The following DCTN1 variants were observed in gnomAD, a reference collection of about 807,000 sequenced individuals.
DCTN1 encodes dynactin subunit 1.
DCTN1 carries 61 observed loss-of-function variants against 161.2 expected under a neutral mutation model. The observed-to-expected ratio is 0.38, with a 90% CI of 0.31 to 0.47. DCTN1 has a LOEUF of 0.47. Ranked by LOEUF, DCTN1 falls within the 20% of genes least tolerant of loss-of-function variation. The pLI is 0.99. For missense variants in DCTN1, 1,404 were observed against 1,623.7 expected (o/e 0.86, Z 2.33); for synonymous variants, 653 against 632.4 (o/e 1.03, Z -0.49).
chr2:74,367,234 T>C, intron 19 of DCTN1, 118 bp downstream of exon 19: 2 of 1,527,960 alleles, frequency 1.3e-6, no homozygotes, highest in South Asian at 1.1e-5. Context: ...TTCCCTGATA[T>C]GGCTTTGGTA....
At position 74,366,537 on chromosome 2, in the gene DCTN1, C is replaced by G. The variant is rs2104415238; in HGVS notation, c.2550G>C (p.Gln850His). 6.2e-7 allele frequency: 1 copy of G among 1,614,118 alleles called. No individual in the cohort carries two copies. The highest frequency in any genetic ancestry group is 8.5e-7 in the Non-Finnish European group (1 of 1,179,996). Residue 850 changes from glutamine (Q) to histidine (H), a missense_variant, in exon 22 of 32, where the codon CAG becomes CAC. By Grantham distance (24) the Gln-to-His change is conservative. Coordinates refer to ENST00000628224, the MANE Select transcript of DCTN1 (RefSeq NM_004082.5). ...VLQEVAAAAAQLIAPLAENEG... is the reference protein window; with the variant it reads ...VLQEVAAAAAHLIAPLAENEG... ...CATTCTCTGCCAGTGGGGCAATGAG[C>G]TGGGCAGCAGCAGCTGCCACCTCCT...
chr2:74,390,297 C>A (rs1036344919), intron 1 of DCTN1, among the ~76,000 whole-genome samples: 1 of 152,200 alleles, frequency 6.6e-6, no homozygotes, highest in African/African-American at 2.4e-5. Flanking sequence ...ACACTTCTTT[C>A]CTGTTTGATT....
intron 6 of DCTN1, chr2:74,374,102 C>A: frequency 1.6e-6 from 1 of 611,346 alleles, no homozygotes; most frequent in South Asian, 1.6e-5. Context: ...GTGTTAAGGC[C>A]TGGAACACAG....
At position 74,374,206 on chromosome 2, in the gene DCTN1, C is replaced by A. The variant is rs761533682; in HGVS notation, c.432+117G>T. 7.0e-6 allele frequency: 8 copies of A among 1,150,260 alleles called. No individual in the cohort carries two copies. In the South Asian group the frequency reaches 1.0e-4, roughly 15 times the overall value. 71.3% of individuals were successfully genotyped at this position (1,150,260 alleles called of 1,614,324 possible). A position where few individuals can be genotyped will look rare whatever the true frequency, so the allele number is the denominator to read the frequency against. On this transcript the variant is annotated intron_variant, in intron 6 of 31. Coordinates refer to ENST00000628224, the MANE Select transcript of DCTN1 (RefSeq NM_004082.5). Reference sequence around the variant, plus strand: ...TCTCCCTAACCCACCTTCGTCCTCACCCGCCTCCCCGACCAGGTAGACAGA... The same window carrying A: ...TCTCCCTAACCCACCTTCGTCCTCAACCGCCTCCCCGACCAGGTAGACAGA...
chr2:74,389,532 A>G (rs6740481), intron 1 of DCTN1, among the ~76,000 whole-genome samples: 18,886 of 152,100 alleles, frequency 0.12, 2,458 homozygotes, highest in East Asian at 0.37. Flanking sequence ...ATTATGATTC[A>G]CCCAACTACT....
chr2:74,377,090 C>T (rs1301674910), intron 4 of DCTN1, among the ~76,000 whole-genome samples: 2 of 152,184 alleles, frequency 1.3e-5, no homozygotes, highest in African/African-American at 2.4e-5. Context: ...TATCTTCTAC[C>T]TTAACCTTAC....
At chr2:74,387,878 C>G (rs1675813208) in intron 1 of DCTN1, among the ~76,000 whole-genome samples, 1 of 152,190 alleles carries the variant, frequency 6.6e-6, no homozygotes, top group South Asian at 2.1e-4. Context: ...TAGCACTGCA[C>G]TACAGGCCAT....
intron 1 of DCTN1, 55 bp downstream of exon 1, chr2:74,379,950 C>G: frequency 6.3e-7 from 1 of 1,575,810 alleles, no homozygotes; most frequent in Non-Finnish European, 8.7e-7. Context: ...TGTCCACAGG[C>G]AGCCAGGCCT....
chr2:74,380,132 A>G lies in DCTN1; in HGVS notation c.-95T>C. 7.3e-7 allele frequency: 1 copy of G among 1,371,674 alleles called. No individual in the cohort carries two copies. Among genetic ancestry groups the G allele is most frequent in the Non-Finnish European group, 1.0e-6 (1 of 968,660 alleles). The allele number at this position is 1,371,674 out of a possible 1,614,324, so 85.0% of individuals were successfully genotyped here. A position where few individuals can be genotyped will look rare whatever the true frequency, so the allele number is the denominator to read the frequency against. ...AGGAGGGTCAGGGCGCTGGGCCCTCATAGAGGGACACAGGAGTCGTCAGGC... is the reference window on the plus strand; with the variant it reads ...AGGAGGGTCAGGGCGCTGGGCCCTCGTAGAGGGACACAGGAGTCGTCAGGC... On this transcript the variant is annotated 5_prime_UTR_variant, in exon 1 of 32. The change abolishes an upstream ATG in the 5' untranslated region. Coordinates refer to ENST00000628224, the MANE Select transcript of DCTN1 (RefSeq NM_004082.5).
At chr2:74,362,544 C>T (rs759022690) in intron 30 of DCTN1, 106 bp downstream of exon 30, 2 of 1,200,868 alleles carry the variant, frequency 1.7e-6, no homozygotes, top group East Asian at 2.5e-5. Flanking sequence ...TCCATCTCCT[C>T]CCCAATTGCT....
intron 6 of DCTN1, chr2:74,373,157 G>C (rs1453455650): frequency 1.6e-6 from 1 of 640,808 alleles, no homozygotes; most frequent in Non-Finnish European, 2.8e-6. Flanking sequence ...TGTTCCCCTT[G>C]GTTCCTGCTC....
chr2:74,366,745 A>C, intron 21 of DCTN1, 38 bp downstream of exon 21: 1 of 1,614,054 alleles, frequency 6.2e-7, no homozygotes, highest in Non-Finnish European at 8.5e-7. Flanking sequence ...TCATGTTTCT[A>C]CTCAGTTTCC....
At position 74,371,556 on chromosome 2, in the gene DCTN1, G is replaced by A. The variant is rs112725508; in HGVS notation, c.626C>T (p.Pro209Leu). The stretch of plus-strand genomic sequence containing the variant: ...CCTTACCTTGGATGGGGAAGGAAGC[G>A]GGGGGACTGCTCCAGGAGAGGTGAG... Reference protein sequence around the residue: ...PVLTSPGAVPPLPSPSKEEEG... With the variant: ...PVLTSPGAVPLLPSPSKEEEG... Residue 209 changes from proline to leucine, a missense_variant, in exon 8 of 32, where the codon CCG (proline) becomes CTG (leucine). This residue lies in a region of DCTN1 where 174 missense variants were observed against 175.6 expected (regional missense o/e 0.99). Coordinates refer to ENST00000628224, the MANE Select transcript of DCTN1 (RefSeq NM_004082.5). 5.9e-5 allele frequency: 93 copies of A among 1,579,222 alleles called. No homozygotes were observed. Among genetic ancestry groups the A allele is most frequent in the Middle Eastern group, 2.0e-4 (1 of 4,966 alleles).
intron 1 of DCTN1, among the ~76,000 whole-genome samples, chr2:74,387,859 A>T (rs1001865218): frequency 1.3e-5 from 2 of 152,180 alleles, no homozygotes; most frequent in Non-Finnish European, 2.9e-5. Context: ...CCACAAAATG[A>T]AATCTTTTTA....
intron 1 of DCTN1, chr2:74,378,856 C>T (rs1675373589): frequency 6.3e-6 from 1 of 157,574 alleles, no homozygotes; most frequent in Admixed American, 6.1e-5. Context: ...CACCATGAAA[C>T]CCCAGATGCT....
chr2:74,364,423 A>G (rs1674250145), intron 26 of DCTN1: 1 of 160,812 alleles, frequency 6.2e-6, no homozygotes, highest in African/African-American at 2.4e-5. Flanking sequence ...GTTAAGTGAG[A>G]AACTGGAGAG....
intron 31 of DCTN1, 59 bp downstream of exon 31, chr2:74,361,993 A>C: frequency 1.3e-6 from 2 of 1,554,678 alleles, no homozygotes; most frequent in East Asian, 2.2e-5. Flanking sequence ...TCTGGAGGAG[A>C]GGGGGGCCCG....
At chr2:74,364,991 G>T (rs1156374447) in intron 26 of DCTN1, 84 bp downstream of exon 26, 3 of 1,569,964 alleles carry the variant, frequency 1.9e-6, no homozygotes, top group East Asian at 2.2e-5. Context: ...GGTAAGGGGG[G>T]TGGGGCAGAG....
chr2:74,366,502 A>G lies in DCTN1; in HGVS notation c.2585T>C (p.Leu862Pro), dbSNP rs777542005. ...AGCCAGTTCCTCCAGAGCAGCCACA[A>G]GTAGCCCCTCATTCTCTGCCAGTGG... ...IAPLAENEGLLVAALEELAFK... is the reference protein window; with the variant it reads ...IAPLAENEGLPVAALEELAFK... Residue 862 changes from leucine to proline, a missense_variant, in exon 22 of 32, where the codon CTT becomes CCT. By Grantham distance (98) the Leu-to-Pro change is moderately conservative (BLOSUM62 -3). Transcript: ENST00000628224. 4 of 1,614,086 alleles carry G rather than the reference A, an allele frequency of 2.5e-6. No homozygotes were observed. Among genetic ancestry groups the G allele is most frequent in the Non-Finnish European group, 3.4e-6 (4 of 1,180,036 alleles).
Sources: allele counts gnomAD v4.1 joint callset (sites outside exome capture counted in the v4.1 genomes callset), GRCh38; gene constraint gnomAD v4.1.1; regional missense constraint gnomAD v4.1.1; transcripts MANE v1.5; gene names NCBI Gene and HGNC (gene_info 2026-07-23, HGNC 2026-07-21).